UTS2B: variants seen among roughly 807,000 people sequenced by gnomAD.
UTS2B encodes the protein urotensin 2B.
A neutral mutation model predicts 19.2 loss-of-function variants in UTS2B; 21 were observed. The ratio of observed to expected loss-of-function variants is 1.09; its 90% CI spans 0.78 to 1.58. The LOEUF (loss-of-function observed/expected upper bound fraction) is 1.58. Ranked by LOEUF, UTS2B falls within the 40% of genes most tolerant of loss-of-function variation. The pLI, the probability that UTS2B is intolerant of heterozygous loss-of-function variation, is 0.00. For missense variants in UTS2B, 138 were observed against 130.3 expected (o/e 1.06, Z -0.29); for synonymous variants, 57 against 50.2 (o/e 1.14, Z -0.58).
intron 4 of UTS2B, among the ~76,000 whole-genome samples, chr3:191,284,442 C>T (rs1434938097): frequency 6.6e-6 from 1 of 151,786 alleles, no homozygotes; most frequent in African/African-American, 2.4e-5. Context: ...CTGCCTCAGC[C>T]TCTTGAGTAG....
At chr3:191,278,357 G>C (rs1050215389) in intron 5 of UTS2B, among the ~76,000 whole-genome samples, 187 bp from the exon 6 acceptor site, 1 of 151,922 alleles carries the variant, frequency 6.6e-6, no homozygotes, top group Non-Finnish European at 1.5e-5. Context: ...TGGACAGTCA[G>C]ACAGACACAG....
intron 4 of UTS2B, among the ~76,000 whole-genome samples, chr3:191,293,703 T>C (rs62288525): frequency 6.6e-6 from 1 of 151,984 alleles, no homozygotes; most frequent in Non-Finnish European, 1.5e-5. Flanking sequence ...TGGATGAGCA[T>C]GGCAGCAGGA....
At position 191,270,587 on chromosome 3, in the gene UTS2B, AT is replaced by A. The variant is rs368200300; in HGVS notation, c.335-2147del. Among the ~76,000 whole-genome samples the A allele has an allele frequency of 1.5e-3, 227 of 152,012 alleles. 1 individual carries two copies. Among genetic ancestry groups the A allele is most frequent in the African/African-American group, 5.2e-3 (216 of 41,492 alleles). On this transcript the variant is annotated intron_variant, in intron 8 of 8. Coordinates refer to ENST00000340524, the MANE Select transcript of UTS2B (RefSeq NM_198152.5). ...TCAAATCATTCTAGCTGATATACCA[AT>A]TTTTTTTCTATTCCTTAGCACAAAA...
At chr3:191,276,873 A>G in intron 6 of UTS2B, 29 bp from the exon 7 acceptor site, 1 of 1,603,634 alleles carries the variant, frequency 6.2e-7, no homozygotes, top group Non-Finnish European at 8.5e-7. Context: ...ACATGAAAAA[A>G]CGTACATTGC....
rs112099779 is a variant in UTS2B at position 191,305,934 on chromosome 3, CT to C, written c.-181-1387del. 2.6e-3 allele frequency among the ~76,000 whole-genome samples: 401 copies of C among 151,930 alleles called. 4 individuals carry two copies. Among genetic ancestry groups the C allele is most frequent in the African/African-American group, 9.0e-3 (373 of 41,426 alleles). ...TTAAATAAGACTTTTTTCCCCGTTG[CT>C]TTTTTTTGGGGGGTCAGGTTTGTCA... is the stretch of plus-strand genomic sequence containing the variant. On this transcript the variant is annotated intron_variant, in intron 3 of 8. Transcript: ENST00000340524.
intron 3 of UTS2B, among the ~76,000 whole-genome samples, chr3:191,310,223 C>A (rs1294619157): frequency 5.3e-5 from 8 of 151,930 alleles, no homozygotes; most frequent in Non-Finnish European, 1.2e-4. Flanking sequence ...GCCTCAGCCT[C>A]CCAAAGTGCT....
chr3:191,318,843 G>A (rs969768187), intron 2 of UTS2B, among the ~76,000 whole-genome samples: 15 of 151,742 alleles, frequency 9.9e-5, no homozygotes, highest in Non-Finnish European at 1.9e-4. Flanking sequence ...TTGTAACCTT[G>A]GGTTGAAAAA....
In UTS2B at chr3:191,321,739, G is replaced by C. The variant is rs186762275; in HGVS notation, c.-585-5300C>G. On this transcript the variant is annotated intron_variant, in intron 2 of 8. Coordinates refer to ENST00000340524, the MANE Select transcript of UTS2B (RefSeq NM_198152.5). ...ATATATGATATATAAAAATATATGTGACTAGGGCCAGGTGCGGTGGCTCAT... is the reference window on the plus strand; with the variant it reads ...ATATATGATATATAAAAATATATGTCACTAGGGCCAGGTGCGGTGGCTCAT... Among the ~76,000 whole-genome samples, 49 of 152,226 alleles carry C rather than the reference G, an allele frequency of 3.2e-4. No individual in the cohort carries two copies. The East Asian group carries it at 7.5e-3, about 23-fold the overall frequency.
chr3:191,323,645 A>T (rs1030132772), intron 2 of UTS2B, among the ~76,000 whole-genome samples: 2 of 152,154 alleles, frequency 1.3e-5, no homozygotes, highest in African/African-American at 2.4e-5. Context: ...CTTGCTATGG[A>T]AGTAGAAAAG....
At chr3:191,330,170 C>A (rs146100100) in intron 1 of UTS2B, among the ~76,000 whole-genome samples, 9 of 152,310 alleles carry the variant, frequency 5.9e-5, no homozygotes, top group African/African-American at 2.2e-4. Context: ...CCCTCCTTCT[C>A]TCCCTACTTT....
At chr3:191,281,058 T>C (rs1170397187) in intron 5 of UTS2B, among the ~76,000 whole-genome samples, 1 of 152,190 alleles carries the variant, frequency 6.6e-6, no homozygotes, top group Non-Finnish European at 1.5e-5. Context: ...CCAACAGAAC[T>C]ACTCTACTTT....
In UTS2B at chr3:191,284,022, C is replaced by T. The variant is rs116129247; in HGVS notation, c.-124-1709G>A. ...AATATGATGAAAGATTGTATAATTA[C>T]AAGTCATATACTTAAAAATGAGATA... On this transcript the variant is annotated intron_variant, in intron 4 of 8. Transcript: ENST00000340524. 5.2e-3 allele frequency among the ~76,000 whole-genome samples: 783 copies of T among 152,030 alleles called. 6 individuals carry two copies. The highest frequency in any genetic ancestry group is 0.017 in the African/African-American group (709 of 41,478).
At chr3:191,320,465 A>T (rs188559436) in intron 2 of UTS2B, among the ~76,000 whole-genome samples, 113 of 152,336 alleles carry the variant, frequency 7.4e-4, no homozygotes, top group African/African-American at 2.6e-3. Context: ...TTCTGAGAAG[A>T]TGAGATACCG....
In UTS2B at chr3:191,313,922, G is replaced by T. The variant is rs566515738; in HGVS notation, c.-182+2114C>A. ...ATTTTTGTATTTTTAGTAGAGACAG[G>T]GTTTCACCATGCTGGCGAGGCTGGT... On this transcript the variant is annotated intron_variant, in intron 3 of 8. Transcript: ENST00000340524. Among the ~76,000 whole-genome samples, 126 of 151,396 alleles carry T rather than the reference G, an allele frequency of 8.3e-4. 1 individual carries two copies. In the South Asian group the frequency reaches 0.026, roughly 31 times the overall value.
intron 4 of UTS2B, among the ~76,000 whole-genome samples, chr3:191,293,769 T>A (rs1363118232): frequency 6.6e-6 from 1 of 151,876 alleles, no homozygotes; most frequent in Non-Finnish European, 1.5e-5. Flanking sequence ...TCAAGCAGTA[T>A]CTTCAATAGT....
chr3:191,275,133 C>T (rs1716194948), intron 8 of UTS2B, 119 bp downstream of exon 8: 6 of 688,856 alleles, frequency 8.7e-6, no homozygotes, highest in Non-Finnish European at 1.5e-5. Flanking sequence ...TAATATGAGC[C>T]TTTATATTGG....
At chr3:191,315,101 C>T (rs1410230215) in intron 3 of UTS2B, among the ~76,000 whole-genome samples, 2 of 151,856 alleles carry the variant, frequency 1.3e-5, no homozygotes, top group African/African-American at 4.8e-5. Context: ...AACCTCTGCC[C>T]CACTGGGTTC....
chr3:191,318,331 C>G (rs191365144), intron 2 of UTS2B, among the ~76,000 whole-genome samples: 1 of 152,312 alleles, frequency 6.6e-6, no homozygotes, highest in Non-Finnish European at 1.5e-5. Flanking sequence ...GAGGAAATCT[C>G]ATAAATCTGA....
intron 4 of UTS2B, among the ~76,000 whole-genome samples, chr3:191,303,279 C>T (rs1475289666): frequency 6.9e-6 from 1 of 144,282 alleles, no homozygotes; most frequent in Non-Finnish European, 1.6e-5. Flanking sequence ...TATCTTTTCT[C>T]TTGTTAATAT....
Sources: gnomAD v4.1 joint callset for allele counts (sites outside exome capture counted in the v4.1 genomes callset) on GRCh38, gnomAD v4.1.1 for gene constraint, MANE v1.5 for transcripts, NCBI Gene and HGNC (gene_info 2026-07-23, HGNC 2026-07-21) for gene names.